PLXNA2: variants seen among roughly 807,000 people sequenced by gnomAD.
PLXNA2 encodes plexin-A2.
Under a neutral mutation model 193.5 loss-of-function variants are expected in PLXNA2, and 91 were observed. The ratio of observed to expected loss-of-function variants is 0.47; its 90% CI spans 0.40 to 0.56. The LOEUF (loss-of-function observed/expected upper bound fraction) is 0.56. Ranked by LOEUF, PLXNA2 falls within the 20% of genes least tolerant of loss-of-function variation. PLXNA2 has a pLI of 0.00. For synonymous variants in PLXNA2, 997 were observed against 1,027.3 expected (o/e 0.97, Z 0.56); for missense variants, 1,995 against 2,503.2 (o/e 0.80, Z 4.33).
At chr1:208,125,850 A>C (rs931963502) in intron 4 of PLXNA2, among the ~76,000 whole-genome samples, 2 of 152,182 alleles carry the variant, frequency 1.3e-5, no homozygotes, top group African/African-American at 4.8e-5. Flanking sequence ...GGAAGACACC[A>C]CATGGATAGA....
At chr1:208,051,156 G>A in intron 16 of PLXNA2, 54 bp from the exon 17 acceptor site, 2 of 1,595,756 alleles carry the variant, frequency 1.3e-6, no homozygotes, top group South Asian at 2.2e-5. Flanking sequence ...ATCTGGCATG[G>A]TGAACCTCCA....
intron 22 of PLXNA2, 83 bp from the exon 23 acceptor site, chr1:208,040,141 A>G (rs937023597): frequency 8.8e-7 from 1 of 1,133,516 alleles, no homozygotes; most frequent in Admixed American, 1.7e-5. Context: ...GAGGTCTCCC[A>G]AGAGAACAAT....
chr1:208,032,065 C>T, intron 28 of PLXNA2: 1 of 985,330 alleles, frequency 1.0e-6, no homozygotes, highest in Non-Finnish European at 1.2e-6. Context: ...CCGGGCTTCC[C>T]ATGGGTGAAT....
chr1:208,145,956 TC>T (rs1175783462), intron 3 of PLXNA2, among the ~76,000 whole-genome samples: 2 of 151,896 alleles, frequency 1.3e-5, no homozygotes. Flanking sequence ...AGTCTGTGAC[TC>T]CCCCCACTCA....
chr1:208,133,440 G>C (rs998752644), intron 4 of PLXNA2, among the ~76,000 whole-genome samples: 1 of 152,180 alleles, frequency 6.6e-6, no homozygotes, highest in African/African-American at 2.4e-5. Context: ...AATCAAGAAG[G>C]TACTTATCTT....
intron 22 of PLXNA2, 137 bp downstream of exon 22, chr1:208,041,961 G>C: frequency 2.2e-6 from 2 of 892,396 alleles, no homozygotes; most frequent in Non-Finnish European, 3.5e-6. Flanking sequence ...AGAGACGTGA[G>C]GACACAGGCT....
At chr1:208,237,224 C>T (rs1047113526) in intron 1 of PLXNA2, among the ~76,000 whole-genome samples, 1 of 152,202 alleles carries the variant, frequency 6.6e-6, no homozygotes, top group Non-Finnish European at 1.5e-5. Flanking sequence ...AGGTAGCAAG[C>T]ACATGGCAGA....
intron 29 of PLXNA2, chr1:208,030,653 A>G: frequency 1.0e-6 from 1 of 985,376 alleles, no homozygotes; most frequent in Non-Finnish European, 1.2e-6. Flanking sequence ...GTTGGTTGCT[A>G]GGACTTTTGA....
chr1:208,211,577 C>T (rs1670951674), intron 2 of PLXNA2, among the ~76,000 whole-genome samples: 1 of 151,956 alleles, frequency 6.6e-6, no homozygotes, highest in African/African-American at 2.4e-5. Context: ...CCTGTAGTCC[C>T]AGCTACTTGG....
At position 208,042,194 on chromosome 1, in the gene PLXNA2, C is replaced by T. The variant is rs1275999825; in HGVS notation, c.4190G>A (p.Arg1397His). The T allele has an allele frequency of 8.1e-6, 13 of 1,614,106 alleles. No homozygotes were observed. Among genetic ancestry groups the T allele is most frequent in the African/African-American group, 2.7e-5 (2 of 74,936 alleles). The change falls in exon 22 of 32, where the codon CGC (arginine) becomes CAC (histidine). Residue 1397 changes from arginine to histidine, a missense_variant. Arg to His is a conservative substitution (Grantham distance 29, BLOSUM62 0). Transcript: ENST00000367033. ...GAGGACATCAGTGGCATATTCCAGG[C>T]GGCCCTGCAGGCCGGTCATGATGAG... ...ASLIMTGLQG[R>H]LEYATDVLKQ...
chr1:208,095,938 G>T, intron 8 of PLXNA2, 91 bp downstream of exon 8: 1 of 967,346 alleles, frequency 1.0e-6, no homozygotes. Flanking sequence ...CTACAACGTG[G>T]TTCCTGCCCT....
At chr1:208,090,147 CT>C (rs1351032850) in intron 9 of PLXNA2, among the ~76,000 whole-genome samples, 1 of 152,144 alleles carries the variant, frequency 6.6e-6, no homozygotes, top group African/African-American at 2.4e-5. Flanking sequence ...AAGTTGGGAG[CT>C]GGATGGAGTC....
intron 17 of PLXNA2, among the ~76,000 whole-genome samples, 183 bp downstream of exon 17, chr1:208,050,826 C>G (rs1008874373): frequency 6.6e-6 from 1 of 151,032 alleles, no homozygotes; most frequent in Non-Finnish European, 1.5e-5. Flanking sequence ...GAGGCCATGT[C>G]TTAAAAAAAA....
chr1:208,235,503 T>C (rs545631795), intron 1 of PLXNA2, among the ~76,000 whole-genome samples: 6 of 152,228 alleles, frequency 3.9e-5, no homozygotes, highest in Non-Finnish European at 7.3e-5. Flanking sequence ...CATTCCATTA[T>C]ACAGATGGAG....
chr1:208,052,513 G>T, intron 14 of PLXNA2, 50 bp from the exon 15 acceptor site: 1 of 1,587,408 alleles, frequency 6.3e-7, no homozygotes, highest in Non-Finnish European at 8.6e-7. Context: ...TCTCCAAAAG[G>T]ATGGACCATG....
At chr1:208,083,085 C>T (rs140560249) in intron 10 of PLXNA2, among the ~76,000 whole-genome samples, 319 of 152,296 alleles carry the variant, frequency 2.1e-3, no homozygotes, top group African/African-American at 7.1e-3. Flanking sequence ...AGAGTCTCAT[C>T]GAGCAGTCAC....
chr1:208,067,171 G>T (rs542117070), intron 12 of PLXNA2, among the ~76,000 whole-genome samples: 11 of 151,982 alleles, frequency 7.2e-5, no homozygotes, highest in Admixed American at 4.6e-4. Flanking sequence ...ATGGGGAAAC[G>T]CTGTCTCTAT....
intron 3 of PLXNA2, among the ~76,000 whole-genome samples, chr1:208,152,479 A>G (rs1373384573): frequency 6.6e-6 from 1 of 152,130 alleles, no homozygotes; most frequent in Non-Finnish European, 1.5e-5. Flanking sequence ...TCTACCAAAC[A>G]CTGCCAGATT....
intron 9 of PLXNA2, among the ~76,000 whole-genome samples, chr1:208,086,990 T>TGAGA (rs57506358): frequency 2.9e-5 from 4 of 138,508 alleles, no homozygotes; most frequent in African/African-American, 1.0e-4. Context: ...TGTGTGTGTG[T>TGAGA]GAGAGAGAGA....
Sources: gnomAD v4.1 joint callset for allele counts (sites outside exome capture counted in the v4.1 genomes callset) on GRCh38, gnomAD v4.1.1 for gene constraint, MANE v1.5 for transcripts, NCBI Gene and HGNC (gene_info 2026-07-23, HGNC 2026-07-21) for gene names.